Variants in KCNAB2 observed in about 807,000 individuals in gnomAD.
The protein encoded by KCNAB2 is potassium voltage-gated channel subfamily A regulatory beta subunit 2.
KCNAB2 carries 29 observed loss-of-function variants against 63.6 expected under a neutral mutation model. That is an observed-to-expected ratio of 0.46 (90% CI 0.34 to 0.62). KCNAB2 has a LOEUF of 0.62. Ranked by LOEUF, KCNAB2 falls within the 20% of genes least tolerant of loss-of-function variation. The pLI is 0.01. For synonymous variants in KCNAB2, 222 were observed against 224.2 expected, an observed-to-expected ratio of 0.99 and a Z score of 0.09; for missense variants, 359 against 563.9, an observed-to-expected ratio of 0.64 and a Z score of 3.68.
intron 10 of KCNAB2, among the ~76,000 whole-genome samples, chr1:6,092,370 C>T (rs913558847): frequency 2.0e-5 from 3 of 152,234 alleles, no homozygotes; most frequent in African/African-American, 4.8e-5. Context: ...CCGTCAGCCC[C>T]GTCTCTCCAT....
At chr1:6,038,623 A>T (rs929041156) in intron 1 of KCNAB2, among the ~76,000 whole-genome samples, 1 of 152,144 alleles carries the variant, frequency 6.6e-6, no homozygotes, top group South Asian at 2.1e-4. Flanking sequence ...AGGTCTACAC[A>T]TGTGCTCACA....
chr1:6,041,107 G>A (rs545346905), upstream of KCNAB2: 16 of 159,346 alleles, frequency 1.0e-4, no homozygotes, highest in Non-Finnish European at 1.6e-4. Context: ...GGGAGTGGGG[G>A]CGGCCAAATG....
upstream of KCNAB2, among the ~76,000 whole-genome samples, chr1:6,042,960 G>GC (rs1260210796): frequency 6.6e-6 from 1 of 151,746 alleles, no homozygotes; most frequent in Non-Finnish European, 1.5e-5. Flanking sequence ...CTTACAGGGA[G>GC]CTCTGAAGAC....
intron 4 of KCNAB2, among the ~76,000 whole-genome samples, chr1:6,080,157 T>A (rs544940911): frequency 3.9e-5 from 6 of 152,336 alleles, no homozygotes; most frequent in African/African-American, 1.4e-4. Flanking sequence ...ACCACAGACT[T>A]AGCCCCTTCG....
intron 1 of KCNAB2, among the ~76,000 whole-genome samples, chr1:6,017,161 G>C (rs189976155): frequency 6.6e-6 from 1 of 152,194 alleles, no homozygotes; most frequent in Admixed American, 6.5e-5. Flanking sequence ...GGCTGGGGAC[G>C]CAGGGTGCGT....
rs992876322 is a variant in KCNAB2 at position 6,096,416 on chromosome 1, T to C, written c.949-220T>C. 1 of 615,570 alleles carries C rather than the reference T, an allele frequency of 1.6e-6. No individual in the cohort carries two copies. Among genetic ancestry groups the C allele is most frequent in the Admixed American group, 3.0e-5 (1 of 32,842 alleles). The allele number at this position is 615,570 out of a possible 1,614,324, so 38.1% of individuals were successfully genotyped here. On this transcript the variant is annotated intron_variant, in intron 13 of 15. Transcript: ENST00000378083. The surrounding 1 kb of genome is among the most constrained non-coding windows in gnomAD (Gnocchi z 5.9). ...ACCACAGTCTTTGCACTTCAGAGCC[T>C]GGACAGGCCCCGCTCATCCACCAGC...
chr1:6,030,519 ATG>A (rs750056486), upstream of KCNAB2, among the ~76,000 whole-genome samples: 6 of 147,550 alleles, frequency 4.1e-5, no homozygotes, highest in African/African-American at 1.3e-4. Context: ...TTATGTATGT[ATG>A]TGTGTATGTG....
In KCNAB2 at chr1:6,096,216, C is replaced by A; in HGVS notation, c.949-420C>A. 2.2e-6 allele frequency: 1 copy of A among 453,600 alleles called. No individual in the cohort carries two copies. The highest frequency in any genetic ancestry group is 4.4e-6 in the Non-Finnish European group (1 of 226,840). The allele number at this position is 453,600 out of a possible 1,614,324, so 28.1% of individuals were successfully genotyped here. A position where few individuals can be genotyped will look rare whatever the true frequency, so the allele number is the denominator to read the frequency against. Reference sequence around the variant, plus strand: ...CATCCCATGGCAAGGTCAGGGCCCCCCTCCAGGAGGCCCTGCAATCCTCTG... The same window carrying A: ...CATCCCATGGCAAGGTCAGGGCCCCACTCCAGGAGGCCCTGCAATCCTCTG... On this transcript the variant is annotated intron_variant, in intron 13 of 15. Transcript: ENST00000378083. The surrounding 1 kb of genome is among the most constrained non-coding windows in gnomAD (Gnocchi z 5.9).
chr1:6,054,018 G>A (rs890728752), intron 2 of KCNAB2, among the ~76,000 whole-genome samples: 6 of 150,926 alleles, frequency 4.0e-5, no homozygotes, highest in African/African-American at 1.5e-4. Context: ...ACTCCAGCCT[G>A]GGCGGCAGAG....
Position 6,090,340 on chromosome 1 carries a change from T to C in KCNAB2, c.515-49T>C, listed in dbSNP as rs774481529. 8.8e-6 allele frequency: 12 copies of C among 1,366,836 alleles called. No homozygotes were observed. The South Asian group carries it at 1.4e-4, about 16-fold the overall frequency. The allele number at this position is 1,366,836 out of a possible 1,614,324, so 84.7% of individuals were successfully genotyped here. A position where few individuals can be genotyped will look rare whatever the true frequency, so the allele number is the denominator to read the frequency against. On this transcript the variant is annotated intron_variant, in intron 8 of 15. Transcript: ENST00000378083. ...GGGCATGGATGGGCCCAGGTGCCTGTGGAGATGGAGCCACAGCAGTGACGC... is the reference window on the plus strand; with the variant it reads ...GGGCATGGATGGGCCCAGGTGCCTGCGGAGATGGAGCCACAGCAGTGACGC...
chr1:6,004,344 C>T (rs1442547997), intron 1 of KCNAB2, among the ~76,000 whole-genome samples: 1 of 151,894 alleles, frequency 6.6e-6, no homozygotes, highest in Admixed American at 6.6e-5. Flanking sequence ...TGCAGATGGG[C>T]ATTGCTGCAC....
intron 2 of KCNAB2, among the ~76,000 whole-genome samples, chr1:6,055,244 C>A (rs1661711713): frequency 6.6e-6 from 1 of 152,080 alleles, no homozygotes; most frequent in Admixed American, 6.5e-5. Flanking sequence ...CCTGAAGCCC[C>A]GAGGAAAATG....
Position 6,096,794 on chromosome 1 carries a change from G to T in KCNAB2, c.1069+38G>T. 1 of 1,524,798 alleles carries T rather than the reference G, an allele frequency of 6.6e-7. No homozygotes were observed. Among genetic ancestry groups the T allele is most frequent in the East Asian group, 2.4e-5 (1 of 41,540 alleles). 94.5% of individuals were successfully genotyped at this position (1,524,798 alleles called of 1,614,324 possible). Reference sequence around the variant, plus strand: ...TCGCCATGGGGCCAGTGCCCCTGGGGAGAACCTGCCCCAGCTGGCCGTAGG... The same window carrying T: ...TCGCCATGGGGCCAGTGCCCCTGGGTAGAACCTGCCCCAGCTGGCCGTAGG... On this transcript the variant is annotated intron_variant, in intron 14 of 15. Transcript: ENST00000378083. This position sits in a 1 kb window ranked among gnomAD's most constrained non-coding sequence, Gnocchi z 5.9.
chr1:6,042,584 A>G (rs1259200667), upstream of KCNAB2, among the ~76,000 whole-genome samples: 1 of 152,126 alleles, frequency 6.6e-6, no homozygotes, highest in East Asian at 1.9e-4. Flanking sequence ...CCTAGGAAGT[A>G]AAATGTCAGG....
intron 6 of KCNAB2, chr1:6,085,791 A>AG: frequency 8.3e-6 from 8 of 967,482 alleles, no homozygotes; most frequent in Non-Finnish European, 9.9e-6. Context: ...CATCTGTAAG[A>AG]GGGTGTGTGT....
chr1:6,048,985 G>T (rs573829137), intron 1 of KCNAB2, among the ~76,000 whole-genome samples: 3 of 152,240 alleles, frequency 2.0e-5, no homozygotes, highest in Non-Finnish European at 4.4e-5. Context: ...GAAGGCAGAC[G>T]GCTTTCCATG....
intron 1 of KCNAB2, among the ~76,000 whole-genome samples, chr1:6,018,422 G>T (rs1302599501): frequency 6.6e-6 from 1 of 151,986 alleles, no homozygotes; most frequent in African/African-American, 2.4e-5. Context: ...CAATGTGATG[G>T]TATTAAGAGG....
intron 2 of KCNAB2, among the ~76,000 whole-genome samples, chr1:6,068,496 C>G (rs1662934858): frequency 6.6e-6 from 1 of 152,216 alleles, no homozygotes; most frequent in African/African-American, 2.4e-5. Context: ...AGTGGAGTTG[C>G]AAACACCGCC....
chr1:6,081,276 G>C (rs894879047), intron 4 of KCNAB2, among the ~76,000 whole-genome samples: 1 of 152,232 alleles, frequency 6.6e-6, no homozygotes, highest in Non-Finnish European at 1.5e-5. Context: ...GAGAAACACT[G>C]GACAAGAGGC....
Sources: gnomAD v4.1 joint callset for allele counts (sites outside exome capture counted in the v4.1 genomes callset) on GRCh38, gnomAD v4.1.1 for gene constraint, Gnocchi (gnomAD v3.1) non-coding constraint, MANE v1.5 for transcripts, NCBI Gene and HGNC (gene_info 2026-07-23, HGNC 2026-07-21) for gene names.